TSR1: variants seen among roughly 807,000 people sequenced by gnomAD.
TSR1 encodes TSR1 ribosome maturation factor.
In TSR1, 81 loss-of-function variants were observed where a neutral mutation model predicts 90.9. The ratio of observed to expected loss-of-function variants is 0.89; its 90% CI spans 0.74 to 1.07. TSR1 has a LOEUF of 1.07. Among genes scored for constraint, TSR1 ranks in the 50% least tolerant of loss-of-function variants. The probability of loss-of-function intolerance (pLI) is 0.00; values close to 1 mark genes in which losing one functional copy is unlikely to be tolerated. For missense variants in TSR1, 989 were observed against 987.3 expected (o/e 1.00, Z -0.02); for synonymous variants, 362 against 348.8 (o/e 1.04, Z -0.42).
intron 8 of TSR1, among the ~76,000 whole-genome samples, chr17:2,331,395 T>C (rs2064002119): frequency 6.6e-6 from 1 of 152,200 alleles, no homozygotes. Flanking sequence ...CAATCCCCAG[T>C]GTTGGAGGTG....
At chr17:2,329,021 A>T in intron 11 of TSR1, 1 of 445,416 alleles carries the variant, frequency 2.2e-6, no homozygotes, top group South Asian at 2.1e-5. Context: ...AAGTGTTGGG[A>T]TTACAGGTGT....
intron 11 of TSR1, among the ~76,000 whole-genome samples, chr17:2,328,338 G>A (rs1038670142): frequency 2.0e-5 from 3 of 150,766 alleles, no homozygotes; most frequent in Admixed American, 6.6e-5. Context: ...CCTGAGACCA[G>A]GAGTTCAAAA....
intron 10 of TSR1, 141 bp from the exon 11 acceptor site, chr17:2,329,616 G>A (rs2075594033): frequency 4.8e-6 from 5 of 1,039,552 alleles, no homozygotes; most frequent in African/African-American, 1.6e-5. Context: ...TGTAGATGCT[G>A]AAACACGGGT....
intron 7 of TSR1, among the ~76,000 whole-genome samples, 170 bp downstream of exon 7, chr17:2,332,791 C>T (rs191763613): frequency 2.8e-4 from 43 of 151,904 alleles, no homozygotes; most frequent in African/African-American, 9.7e-4. Context: ...GAGCCCAGAT[C>T]GCACCACTGC....
chr17:2,324,865 T>C, intron 12 of TSR1, 36 bp from the exon 13 acceptor site: 1 of 1,588,928 alleles, frequency 6.3e-7, no homozygotes, highest in African/African-American at 1.4e-5. Context: ...TTTAGGAATT[T>C]ACAGGCCAAA....
Position 2,323,872 on chromosome 17 carries a change from A to G in TSR1, c.*324T>C. 6.2e-7 allele frequency: 1 copy of G among 1,613,366 alleles called. No homozygotes were observed. Among genetic ancestry groups the G allele is most frequent in the Non-Finnish European group, 8.5e-7 (1 of 1,179,526 alleles). Reference sequence around the variant, plus strand: ...GCTTCTTATCAGTCTGTTTCTGTTTAATTTACAGAAAAGGAAATGGTGGGA... The same window carrying G: ...GCTTCTTATCAGTCTGTTTCTGTTTGATTTACAGAAAAGGAAATGGTGGGA... On this transcript the variant is annotated 3_prime_UTR_variant, in exon 15 of 15. Coordinates refer to ENST00000301364, the MANE Select transcript of TSR1 (RefSeq NM_018128.5).
At chr17:2,331,170 A>C in intron 8 of TSR1, 61 bp from the exon 9 acceptor site, 114 of 1,354,030 alleles carry the variant, frequency 8.4e-5, no homozygotes, top group Non-Finnish European at 1.0e-4. Context: ...ATATAGACTC[A>C]AGTCACTGCT....
rs777282880 is a variant in TSR1, at chr17:2,324,827, T to C, written c.2023A>G (p.Met675Val). 2 of 1,606,530 alleles carry C rather than the reference T, an allele frequency of 1.2e-6. No individual in the cohort carries two copies. The highest frequency in any genetic ancestry group is 2.2e-5 in the East Asian group (1 of 44,862). The change falls in exon 13 of 15, where the codon ATG (methionine) becomes GTG (valine). Residue 675 changes from methionine (M) to valine (V), a missense_variant and splice_region_variant. Transcript: ENST00000301364. ...VLLFKQKSNGMHSLIATGHLM... is the reference protein window; with the variant it reads ...VLLFKQKSNGVHSLIATGHLM... The stretch of plus-strand genomic sequence containing the variant: ...TGGCCTGTAGCAATGAGGCTGTGCA[T>C]TCCTAAAGGACAAAAGCAAAGAAGC...
intron 11 of TSR1, 82 bp downstream of exon 11, chr17:2,329,261 C>G (rs2151440474): frequency 2.5e-6 from 4 of 1,592,340 alleles, no homozygotes; most frequent in Admixed American, 1.7e-5. Flanking sequence ...GATTTTGAAA[C>G]CATATATTTT....
Position 2,323,652 on chromosome 17 carries a change from C to T in TSR1, c.*544G>A. 1 of 1,613,974 alleles carries T rather than the reference C, an allele frequency of 6.2e-7. No homozygotes were observed. The highest frequency in any genetic ancestry group is 8.5e-7 in the Non-Finnish European group (1 of 1,179,874). On this transcript the variant is annotated 3_prime_UTR_variant, in exon 15 of 15. Coordinates refer to ENST00000301364, the MANE Select transcript of TSR1 (RefSeq NM_018128.5). ...TAATTCCTACTCCCTTCCATATCAA[C>T]AGTGTGCAACCCAGCTGGTGTGGGA...
At chr17:2,325,502 T>C in intron 11 of TSR1, 82 bp from the exon 12 acceptor site, 2 of 1,094,440 alleles carry the variant, frequency 1.8e-6, no homozygotes, top group East Asian at 2.4e-5. Flanking sequence ...GCTGTATTAG[T>C]GCAACTCTTA....
In TSR1 at chr17:2,323,226, A is replaced by T; in HGVS notation, c.*970T>A. On this transcript the variant is annotated 3_prime_UTR_variant, in exon 15 of 15. Transcript: ENST00000301364. Reference sequence around the variant, plus strand: ...CAAGCTGAAGGGGAAACTGATGCCCAATCTTTATCCTCCAGAAACCATAGC... The same window carrying T: ...CAAGCTGAAGGGGAAACTGATGCCCTATCTTTATCCTCCAGAAACCATAGC... 6.2e-7 allele frequency: 1 copy of T among 1,614,228 alleles called. No homozygotes were observed. The highest frequency in any genetic ancestry group is 2.2e-5 in the East Asian group (1 of 44,884).
rs772639833 is a variant in TSR1 at position 2,324,710 on chromosome 17, G to A, written c.2140C>T (p.Arg714Cys). The change falls in exon 13 of 15, where the codon CGT becomes TGT. Residue 714 changes from arginine (R) to cysteine (C), a missense_variant. By Grantham distance (180) the Arg-to-Cys change is radical. Transcript: ENST00000301364. The part of the protein sequence containing the change: ...FKIFTKMAVV[R>C]YMFFNREDVL... ...CCACCTCTGTTGAAGAACATGTAACGTACTACTGCCATCTTAGTAAAAATT... is the reference window on the plus strand; with the variant it reads ...CCACCTCTGTTGAAGAACATGTAACATACTACTGCCATCTTAGTAAAAATT... 37 of 1,614,060 alleles carry A rather than the reference G, an allele frequency of 2.3e-5. No individual in the cohort carries two copies. The highest frequency in any genetic ancestry group is 4.5e-5 in the East Asian group (2 of 44,884).
intron 7 of TSR1, 49 bp downstream of exon 7, chr17:2,332,912 T>G: frequency 2.5e-6 from 4 of 1,581,222 alleles, no homozygotes; most frequent in Non-Finnish European, 3.4e-6. Context: ...GCACTTTGCC[T>G]TACATTTGGA....
chr17:2,326,034 C>T (rs2075574484), intron 11 of TSR1, among the ~76,000 whole-genome samples: 1 of 152,194 alleles, frequency 6.6e-6, no homozygotes, highest in Admixed American at 6.5e-5. Context: ...TCAAGTGATT[C>T]TTCTGCCTCA....
chr17:2,329,376 G>T lies in TSR1; in HGVS notation c.1870C>A (p.Arg624=). The T allele has an allele frequency of 6.2e-7, 1 of 1,614,166 alleles. No individual in the cohort carries two copies. Among genetic ancestry groups the T allele is most frequent in the Middle Eastern group, 1.6e-4 (1 of 6,062 alleles). Residue 624 remains arginine, a synonymous_variant, in exon 11 of 15, where the codon CGA becomes AGA. Transcript: ENST00000301364. ...LIFHCGFRRF[R]ASPLFSQHTA... ...TGCTGAGAGAATAAAGGTGAGGCTC[G>T]GAAGCGCCTGAATCCACAGTGAAAT... is the stretch of plus-strand genomic sequence containing the variant.
At chr17:2,335,055 T>C (rs551980734) in intron 4 of TSR1, among the ~76,000 whole-genome samples, 159 bp from the exon 5 acceptor site, 1 of 152,298 alleles carries the variant, frequency 6.6e-6, no homozygotes, top group East Asian at 1.9e-4. Context: ...GAAATCAAAC[T>C]TCATATCCTT....
intron 10 of TSR1, 39 bp downstream of exon 10, chr17:2,330,476 T>C (rs1386421586): frequency 1.9e-6 from 3 of 1,588,458 alleles, no homozygotes; most frequent in Admixed American, 3.3e-5. Flanking sequence ...AGCTGGAAAG[T>C]TTCACAACCC....
chr17:2,334,642 T>C lies in TSR1; in HGVS notation c.811A>G (p.Thr271Ala). The change falls in exon 5 of 15, where the codon ACC becomes GCC. Residue 271 changes from threonine to alanine, a missense_variant. Physicochemically the swap from Thr to Ala is moderately conservative, Grantham distance 58 (BLOSUM62 0). Coordinates refer to ENST00000301364, the MANE Select transcript of TSR1 (RefSeq NM_018128.5). ...CGAACATAGCCTGAAATTTTCAAGG[T>C]GCCCACCAAGTTATTCTCTTCACTA... ...VPSEENNLVG[T>A]LKISGYVRGQ... 4 of 1,613,872 alleles carry C rather than the reference T, an allele frequency of 2.5e-6. No individual in the cohort carries two copies. Among genetic ancestry groups the C allele is most frequent in the African/African-American group, 1.3e-5 (1 of 75,038 alleles).
Sources: allele counts gnomAD v4.1 joint callset (sites outside exome capture counted in the v4.1 genomes callset), GRCh38; gene constraint gnomAD v4.1.1; transcripts MANE v1.5; gene names NCBI Gene and HGNC (gene_info 2026-07-23, HGNC 2026-07-21).